The following DNAH5 variants were observed in gnomAD, a reference collection of about 807,000 sequenced individuals.
DNAH5 encodes axonemal beta dynein heavy chain 5.
DNAH5 carries 372 observed loss-of-function variants against 518.2 expected under a neutral mutation model. The ratio of observed to expected loss-of-function variants is 0.72; its 90% CI spans 0.66 to 0.78. The LOEUF (loss-of-function observed/expected upper bound fraction) is 0.78, where lower values mean the gene tolerates loss of function less well. Ranked by LOEUF, DNAH5 falls within the 30% of genes least tolerant of loss-of-function variation. The pLI is 0.00. For synonymous variants in DNAH5, 2,039 were observed against 2,025.9 expected (o/e 1.01, Z -0.17); for missense variants, 5,523 against 5,687.0 (o/e 0.97, Z 0.93).
At chr5:13,793,018 A>T (rs1383623121) in intron 49 of DNAH5, among the ~76,000 whole-genome samples, 1 of 152,234 alleles carries the variant, frequency 6.6e-6, no homozygotes, top group Non-Finnish European at 1.5e-5. Context: ...ATGAAATACT[A>T]CATATTTAAT....
At chr5:13,809,721 T>G (rs1166564594) in intron 45 of DNAH5, among the ~76,000 whole-genome samples, 1 of 152,198 alleles carries the variant, frequency 6.6e-6, no homozygotes. Flanking sequence ...ACACACGTAT[T>G]TGGCAAAAAT....
chr5:13,844,369 G>A (rs753374026), intron 32 of DNAH5, among the ~76,000 whole-genome samples: 2 of 152,142 alleles, frequency 1.3e-5, no homozygotes, highest in Non-Finnish European at 2.9e-5. Context: ...TGTAGTCTCC[G>A]TCAAGTTAAA....
At chr5:13,747,295 A>G (rs980575767) in intron 65 of DNAH5, among the ~76,000 whole-genome samples, 3 of 152,084 alleles carry the variant, frequency 2.0e-5, no homozygotes, top group African/African-American at 7.2e-5. Flanking sequence ...TCATTGTTGG[A>G]CATTTGGTTT....
At chr5:13,860,949 T>G (rs1229179708) in intron 29 of DNAH5, among the ~76,000 whole-genome samples, 1 of 152,212 alleles carries the variant, frequency 6.6e-6, no homozygotes, top group Non-Finnish European at 1.5e-5. Context: ...TCCATGCATC[T>G]TTCTGAATAT....
In DNAH5 at chr5:13,837,979, C is replaced by T. The variant is rs551193874; in HGVS notation, c.5882+1377G>A. ...CCTCCCAAAGCGCTGGGATTACAAG[C>T]GTGAGCGAGCCACCATGCCCAGTCC... is the stretch of plus-strand genomic sequence containing the variant. On this transcript the variant is annotated intron_variant, in intron 35 of 78. Coordinates refer to ENST00000265104, the MANE Select transcript of DNAH5 (RefSeq NM_001369.3). 7.9e-5 allele frequency among the ~76,000 whole-genome samples: 12 copies of T among 152,076 alleles called. No homozygotes were observed. In the East Asian group the frequency reaches 1.9e-3, roughly 25 times the overall value.
intron 76 of DNAH5, among the ~76,000 whole-genome samples, chr5:13,706,911 C>A (rs138908628): frequency 1.3e-5 from 2 of 152,164 alleles, no homozygotes; most frequent in Non-Finnish European, 1.5e-5. Context: ...GGGTCCCTGG[C>A]GAAGGCTCCA....
intron 50 of DNAH5, among the ~76,000 whole-genome samples, chr5:13,789,675 C>A (rs558654185): frequency 5.9e-5 from 9 of 152,078 alleles, no homozygotes; most frequent in Non-Finnish European, 1.2e-4. Flanking sequence ...TCAGTTAAGA[C>A]AAAAGTTTAT....
intron 61 of DNAH5, among the ~76,000 whole-genome samples, chr5:13,755,097 G>A (rs1279884009): frequency 2.0e-5 from 3 of 151,940 alleles, no homozygotes; most frequent in Non-Finnish European, 4.4e-5. Context: ...AGCCAAGATC[G>A]TGCCACTCAA....
At chr5:13,984,926 G>A (rs913663315) in intron 1 of DNAH5, among the ~76,000 whole-genome samples, 6 of 152,118 alleles carry the variant, frequency 3.9e-5, no homozygotes, top group African/African-American at 1.2e-4. Flanking sequence ...TCCCATTACT[G>A]GGTATATACA....
intron 1 of DNAH5, among the ~76,000 whole-genome samples, chr5:14,002,313 C>A (rs1581154123): frequency 1.3e-5 from 2 of 152,124 alleles, no homozygotes; most frequent in East Asian, 3.8e-4. Context: ...GGGTGCACAT[C>A]TGAAGAGATC....
At chr5:13,828,780 C>G (rs1763253038) in intron 38 of DNAH5, among the ~76,000 whole-genome samples, 1 of 152,190 alleles carries the variant, frequency 6.6e-6, no homozygotes, top group South Asian at 2.1e-4. Flanking sequence ...TGCTAACAAC[C>G]TGAGTGAGCT....
At chr5:13,766,586 CCTCT>C (rs1752543829) in intron 58 of DNAH5, among the ~76,000 whole-genome samples, 1 of 152,178 alleles carries the variant, frequency 6.6e-6, no homozygotes, top group East Asian at 1.9e-4. Flanking sequence ...CAAGAATCTG[CCTCT>C]CTCTCTTAAA....
At position 13,864,744 on chromosome 5, in the gene DNAH5, T is replaced by G. The variant is rs1470784527; in HGVS notation, c.4356-107A>C. 23 of 1,221,346 alleles carry G rather than the reference T, an allele frequency of 1.9e-5. No individual in the cohort carries two copies. The Admixed American group carries it at 4.0e-4, about 21-fold the overall frequency. The allele number at this position is 1,221,346 out of a possible 1,614,324, so 75.7% of individuals were successfully genotyped here. ...ATTAAAAACAGTCTCTTTGAATACT[T>G]ATCCTATTTTAAATCCCATGACTTG... On this transcript the variant is annotated intron_variant, in intron 27 of 78. Transcript: ENST00000265104.
chr5:13,859,351 G>A (rs1768058011), intron 30 of DNAH5, 101 bp downstream of exon 30: 3 of 1,238,328 alleles, frequency 2.4e-6, no homozygotes, highest in South Asian at 1.2e-5. Context: ...GAAGGAAGGG[G>A]GTTCAATAGA....
At chr5:13,751,365 A>T in intron 64 of DNAH5, 105 bp from the exon 65 acceptor site, 1 of 1,113,640 alleles carries the variant, frequency 9.0e-7, no homozygotes, top group Non-Finnish European at 1.3e-6. Flanking sequence ...ATAATTGGAG[A>T]TCATTTGTAT....
intron 55 of DNAH5, among the ~76,000 whole-genome samples, chr5:13,772,083 A>G (rs1753419008): frequency 6.6e-6 from 1 of 152,230 alleles, no homozygotes; most frequent in Non-Finnish European, 1.5e-5. Context: ...CAGTACAAAG[A>G]ACGGTTTAAA....
intron 22 of DNAH5, among the ~76,000 whole-genome samples, chr5:13,873,012 T>G (rs987071542): frequency 1.3e-5 from 2 of 152,184 alleles, no homozygotes; most frequent in African/African-American, 4.8e-5. Context: ...AGATACAATG[T>G]ACATTATTTG....
At chr5:13,759,032 C>A (rs1179327178) in intron 60 of DNAH5, 49 bp from the exon 61 acceptor site, 4 of 1,612,018 alleles carry the variant, frequency 2.5e-6, no homozygotes, top group Admixed American at 3.3e-5. Context: ...AACCTCAAAA[C>A]ATCCTGCATT....
rs529768810 is a variant in DNAH5 at position 13,936,176 on chromosome 5, T to C, written c.58-4932A>G. On this transcript the variant is annotated intron_variant, in intron 1 of 78. Transcript: ENST00000265104. ...GTTCTAGTCCCAGCTCTGACACTAATTGCAAGACCTCACATCTTTCATTTA... is the reference window on the plus strand; with the variant it reads ...GTTCTAGTCCCAGCTCTGACACTAACTGCAAGACCTCACATCTTTCATTTA... Among the ~76,000 whole-genome samples the C allele has an allele frequency of 3.9e-5, 6 of 152,288 alleles. No homozygotes were observed. The South Asian group carries it at 1.2e-3, about 32-fold the overall frequency.
Sources: gnomAD v4.1 joint callset for allele counts (sites outside exome capture counted in the v4.1 genomes callset) on GRCh38, gnomAD v4.1.1 for gene constraint, MANE v1.5 for transcripts, NCBI Gene and HGNC (gene_info 2026-07-23, HGNC 2026-07-21) for gene names.